Variants in HMGCLL1 observed in about 807,000 individuals in gnomAD.
The protein encoded by HMGCLL1 is 3-hydroxymethyl-3-methylglutaryl-CoA lyase, cytoplasmic.
A neutral mutation model predicts 39.1 loss-of-function variants in HMGCLL1; 36 were observed. That is an observed-to-expected ratio of 0.92 (90% CI 0.71 to 1.22). HMGCLL1 has a LOEUF of 1.22. Among genes scored for constraint, HMGCLL1 ranks in the 50% most tolerant of loss-of-function variants. The pLI, the probability that HMGCLL1 is intolerant of heterozygous loss-of-function variation, is 0.00. For synonymous variants in HMGCLL1, 149 were observed against 144.0 expected, an observed-to-expected ratio of 1.03 and a Z score of -0.25; for missense variants, 451 against 416.5, an observed-to-expected ratio of 1.08 and a Z score of -0.72.
intron 1 of HMGCLL1, among the ~76,000 whole-genome samples, chr6:55,553,204 T>TAC (rs1156254937): frequency 3.9e-5 from 5 of 127,420 alleles, no homozygotes; most frequent in East Asian, 4.4e-4. Flanking sequence ...CACACACACA[T>TAC]ACACACACAT....
At chr6:55,469,732 C>A (rs1040986356) in intron 7 of HMGCLL1, among the ~76,000 whole-genome samples, 1 of 151,692 alleles carries the variant, frequency 6.6e-6, no homozygotes, top group Non-Finnish European at 1.5e-5. Context: ...AACAAAGAAT[C>A]CAGGGGGCTT....
chr6:55,657,850 C>A, the HMGCLL1 span, among the ~76,000 whole-genome samples: 1 of 151,656 alleles, frequency 6.6e-6, no homozygotes, highest in East Asian at 2.0e-4. Context: ...AAGTGGGAAC[C>A]AAAACATGAG....
rs1763334724 is a variant in HMGCLL1 at position 55,435,545 on chromosome 6, T to G, written c.*117A>C. The G allele has an allele frequency of 7.9e-6, 4 of 504,550 alleles. No individual in the cohort carries two copies. Among genetic ancestry groups the G allele is most frequent in the Non-Finnish European group, 1.4e-5 (4 of 283,622 alleles). 31.3% of individuals were successfully genotyped at this position (504,550 alleles called of 1,614,324 possible). A position where few individuals can be genotyped will look rare whatever the true frequency, so the allele number is the denominator to read the frequency against. On this transcript the variant is annotated 3_prime_UTR_variant, in exon 9 of 9. Coordinates refer to ENST00000274901, the MANE Select transcript of HMGCLL1 (RefSeq NM_001042406.2). ...TATAATCTTTTTGAAAAGGATCTCT[T>G]TTTTCCCACTCTTGTCCATTACTTC...
At chr6:55,468,034 G>A (rs1764865908) in intron 7 of HMGCLL1, among the ~76,000 whole-genome samples, 1 of 151,904 alleles carries the variant, frequency 6.6e-6, no homozygotes, top group Non-Finnish European at 1.5e-5. Context: ...CTGTGTGAAG[G>A]CCCCCAGTCC....
intron 8 of HMGCLL1, among the ~76,000 whole-genome samples, chr6:55,436,599 C>T (rs971524241): frequency 2.6e-5 from 4 of 151,950 alleles, no homozygotes; most frequent in African/African-American, 9.7e-5. Context: ...TGTTCCCCCT[C>T]AATATGGACT....
the HMGCLL1 span, among the ~76,000 whole-genome samples, chr6:55,619,194 A>AT: frequency 9.2e-5 from 14 of 152,194 alleles, no homozygotes; most frequent in East Asian, 2.5e-3. Context: ...GAACATGTGC[A>AT]GGGGCATGAA....
chr6:55,564,909 T>C (rs1336669992), intron 1 of HMGCLL1, among the ~76,000 whole-genome samples: 3 of 151,884 alleles, frequency 2.0e-5, no homozygotes, highest in Non-Finnish European at 4.4e-5. Flanking sequence ...AGAAAAGTGA[T>C]TCATTCAGGT....
At chr6:55,610,913 A>G in the HMGCLL1 span, among the ~76,000 whole-genome samples, 35 of 152,308 alleles carry the variant, frequency 2.3e-4, no homozygotes, top group Middle Eastern at 6.8e-3. Flanking sequence ...TTTTCAACCC[A>G]GAATTTCATA....
At chr6:55,653,354 T>G in the HMGCLL1 span, among the ~76,000 whole-genome samples, 46 of 152,096 alleles carry the variant, frequency 3.0e-4, no homozygotes, top group African/African-American at 1.1e-3. Flanking sequence ...AGAAATCACT[T>G]AAATTTTAAA....
the HMGCLL1 span, among the ~76,000 whole-genome samples, chr6:55,624,500 G>A: frequency 3.9e-5 from 6 of 152,168 alleles, no homozygotes; most frequent in African/African-American, 1.4e-4. Context: ...TACCACAGGG[G>A]TATATCATCT....
At chr6:55,501,178 C>T (rs1212604062) in intron 5 of HMGCLL1, among the ~76,000 whole-genome samples, 3 of 151,936 alleles carry the variant, frequency 2.0e-5, no homozygotes, top group East Asian at 1.9e-4. Flanking sequence ...GATCTAGTCA[C>T]GCATGCGGCT....
chr6:55,558,480 T>C (rs1420702005), intron 1 of HMGCLL1, among the ~76,000 whole-genome samples: 1 of 152,202 alleles, frequency 6.6e-6, no homozygotes, highest in Non-Finnish European at 1.5e-5. Context: ...AAATTTACTA[T>C]ATAAATTTAC....
At chr6:55,586,640 C>A in the HMGCLL1 span, among the ~76,000 whole-genome samples, 81 of 149,156 alleles carry the variant, frequency 5.4e-4, no homozygotes, top group African/African-American at 1.9e-3. Flanking sequence ...TGAGAACATA[C>A]GGTGTTTGGT....
At chr6:55,513,075 C>G (rs899452046) in intron 5 of HMGCLL1, 1 of 152,236 alleles carries the variant, frequency 6.6e-6, no homozygotes, top group African/African-American at 2.4e-5. Flanking sequence ...CTCCCTCCCC[C>G]ATACCTCTCA....
In HMGCLL1 at chr6:55,543,303, AT is replaced by A. The variant is rs1460778949; in HGVS notation, c.109-1164del. 1.3e-4 allele frequency among the ~76,000 whole-genome samples: 3 copies of A among 22,430 alleles called. 1 individual carries two copies. The highest frequency in any genetic ancestry group is 1.6e-4 in the Non-Finnish European group (2 of 12,588). The allele number at this position is 22,430 out of a possible 152,430, so 14.7% of individuals were successfully genotyped here. ...ATATATAATATATTATATATCATAT[AT>A]GATATATAATATATAATATATATTA... On this transcript the variant is annotated intron_variant, in intron 1 of 8. Coordinates refer to ENST00000274901, the MANE Select transcript of HMGCLL1 (RefSeq NM_001042406.2).
chr6:55,586,955 C>G, the HMGCLL1 span, among the ~76,000 whole-genome samples: 1 of 151,972 alleles, frequency 6.6e-6, no homozygotes, highest in Non-Finnish European at 1.5e-5. Context: ...GTTCTAGATC[C>G]CTGAGGAATC....
the HMGCLL1 span, among the ~76,000 whole-genome samples, chr6:55,644,558 T>TTTGTATATA: frequency 6.6e-6 from 1 of 152,226 alleles, no homozygotes; most frequent in Admixed American, 6.6e-5. Context: ...TTAATCTATT[T>TTTGTATATA]TGATTTGATT....
At chr6:55,562,282 A>C (rs1380662289) in intron 1 of HMGCLL1, among the ~76,000 whole-genome samples, 1 of 152,170 alleles carries the variant, frequency 6.6e-6, no homozygotes. Context: ...TTTGTTTAGA[A>C]TATACAGTGT....
intron 7 of HMGCLL1, chr6:55,439,768 T>G: frequency 2.3e-6 from 1 of 429,048 alleles, no homozygotes; most frequent in Non-Finnish European, 4.2e-6. Context: ...GAAATTCTGC[T>G]AAGGCTCTCT....
Sources: allele counts gnomAD v4.1 joint callset (sites outside exome capture counted in the v4.1 genomes callset), GRCh38; gene constraint gnomAD v4.1.1; transcripts MANE v1.5; gene names NCBI Gene and HGNC (gene_info 2026-07-23, HGNC 2026-07-21).